Variants in KCNQ1 observed in about 807,000 individuals in gnomAD.
KCNQ1 encodes the protein potassium voltage-gated channel subfamily KQT member 1.
Under a neutral mutation model 72.4 loss-of-function variants are expected in KCNQ1, and 49 were observed. The ratio of observed to expected loss-of-function variants is 0.68; its 90% confidence interval spans 0.54 to 0.86. The LOEUF (loss-of-function observed/expected upper bound fraction) is 0.86, where lower values mean the gene tolerates loss of function less well. KCNQ1 is among the 40% of genes least tolerant of loss of function. The pLI is 0.00. For missense variants in KCNQ1, 790 were observed against 945.1 expected, an observed-to-expected ratio of 0.84 and a Z score of 2.15; for synonymous variants, 450 against 412.6, an observed-to-expected ratio of 1.09 and a Z score of -1.10.
chr11:2,806,177 G>A (rs1395857628), intron 15 of KCNQ1, among the ~76,000 whole-genome samples: 2 of 152,126 alleles, frequency 1.3e-5, no homozygotes, highest in African/African-American at 4.8e-5. Context: ...TCTGGAGGGT[G>A]GACTTAGAGA....
At position 2,456,968 on chromosome 11, in the gene KCNQ1, C is replaced by A. The variant is rs866438993; in HGVS notation, c.386+11484C>A. Among the ~76,000 whole-genome samples the A allele has an allele frequency of 1.9e-3, 220 of 113,662 alleles. 4 individuals are homozygous for A. The highest frequency in any genetic ancestry group is 5.2e-3 in the Middle Eastern group (1 of 192). 74.6% of individuals were successfully genotyped at this position (113,662 alleles called of 152,430 possible). A position where few individuals can be genotyped will look rare whatever the true frequency, so the allele number is the denominator to read the frequency against. ...AAAAAAAAAAAAAAAAAAAAAAACCCAAAAAAACAAAAAGTGGGCAAAAGA... is the reference window on the plus strand; with the variant it reads ...AAAAAAAAAAAAAAAAAAAAAAACCAAAAAAAACAAAAAGTGGGCAAAAGA... On this transcript the variant is annotated intron_variant, in intron 1 of 15. Coordinates refer to ENST00000155840, the MANE Select transcript of KCNQ1 (RefSeq NM_000218.3).
At chr11:2,610,453 T>G (rs904781964) in intron 10 of KCNQ1, 2 of 398,268 alleles carry the variant, frequency 5.0e-6, no homozygotes, top group Non-Finnish European at 8.9e-6. Flanking sequence ...TGATCCACTT[T>G]TTTGGTTTTT....
Position 2,564,933 on chromosome 11 carries a change from C to T in KCNQ1, c.478-5695C>T, listed in dbSNP as rs1848224507. On this transcript the variant is annotated intron_variant, in intron 2 of 15. Transcript: ENST00000155840. The surrounding 1 kb of genome is among the most constrained non-coding windows in gnomAD (Gnocchi z 4.5). ...GTGAGAATCCCCTTCCTTTTTAAGG[C>T]CAAATCCTATTCCGTGGTAGGGAGG... 6.6e-6 allele frequency among the ~76,000 whole-genome samples: 1 copy of T among 152,198 alleles called. No homozygotes were observed. The highest frequency in any genetic ancestry group is 2.4e-5 in the African/African-American group (1 of 41,442).
At chr11:2,686,199 C>G in intron 11 of KCNQ1, 2 of 398,820 alleles carry the variant, frequency 5.0e-6, no homozygotes, top group Non-Finnish European at 8.8e-6. Flanking sequence ...CTGCCCAAAA[C>G]CCTGCTCCAA....
At position 2,784,690 on chromosome 11, in the gene KCNQ1, T is replaced by C. The variant is rs543554449; in HGVS notation, c.1794+6653T>C. Reference sequence around the variant, plus strand: ...GGTATATCCCTCCATTTATTTGATCTACTTTAATTTCTTTCAGTGATATTT... The same window carrying C: ...GGTATATCCCTCCATTTATTTGATCCACTTTAATTTCTTTCAGTGATATTT... On this transcript the variant is annotated intron_variant, in intron 15 of 15. Coordinates refer to ENST00000155840, the MANE Select transcript of KCNQ1 (RefSeq NM_000218.3). This position sits in a 1 kb window ranked among gnomAD's most constrained non-coding sequence, Gnocchi z 4.7. 1.3e-5 allele frequency among the ~76,000 whole-genome samples: 2 copies of C among 152,112 alleles called. No homozygotes were observed. The highest frequency in any genetic ancestry group is 4.1e-4 in the South Asian group (2 of 4,828).
rs773139231 is a variant in KCNQ1 at position 2,626,768 on chromosome 11, T to G, written c.1394-35193T>G. On this transcript the variant is annotated intron_variant, in intron 10 of 15. Coordinates refer to ENST00000155840, the MANE Select transcript of KCNQ1 (RefSeq NM_000218.3). The surrounding 1 kb of genome is among the most constrained non-coding windows in gnomAD (Gnocchi z 4.0). ...GGTCTCAAACTCCTGGACTCAGAAG[T>G]CCTCCCACCTCAGCCTTCAAAAGTG... is the stretch of plus-strand genomic sequence containing the variant. 5 of 398,400 alleles carry G rather than the reference T, an allele frequency of 1.3e-5. No individual in the cohort carries two copies. The highest frequency in any genetic ancestry group is 2.2e-5 in the Non-Finnish European group (5 of 226,060). The allele number at this position is 398,400 out of a possible 1,614,324, so 24.7% of individuals were successfully genotyped here. A position where few individuals can be genotyped will look rare whatever the true frequency, so the allele number is the denominator to read the frequency against.
rs1846691423 is a variant in KCNQ1 at position 2,483,804 on chromosome 11, G to A, written c.386+38320G>A. 6.6e-6 allele frequency among the ~76,000 whole-genome samples: 1 copy of A among 152,140 alleles called. No individual in the cohort carries two copies. Among genetic ancestry groups the A allele is most frequent in the African/African-American group, 2.4e-5 (1 of 41,410 alleles). ...TGACCTTGACCACTCAGGTAGGAGT[G>A]TGTCAGCTGGGCTTCTCAGCTGTAA... On this transcript the variant is annotated intron_variant, in intron 1 of 15. Transcript: ENST00000155840. The surrounding 1 kb of genome is among the most constrained non-coding windows in gnomAD (Gnocchi z 6.1).
chr11:2,634,140 T>TTC (rs1849411462), intron 10 of KCNQ1: 1 of 397,916 alleles, frequency 2.5e-6, no homozygotes, highest in Non-Finnish European at 4.4e-6. Context: ...TTGGTATTTT[T>TTC]TTTTTTTTAG....
chr11:2,662,065 A>C lies in KCNQ1; in HGVS notation c.1498A>C (p.Ile500Leu), dbSNP rs189794855. 1.2e-6 allele frequency: 2 copies of C among 1,614,204 alleles called. No homozygotes were observed. The highest frequency in any genetic ancestry group is 4.5e-5 in the East Asian group (2 of 44,872). The change falls in exon 11 of 16, where the codon ATC becomes CTC. Residue 500 changes from isoleucine to leucine, a missense_variant. By Grantham distance (5) the Ile-to-Leu change is conservative. This residue lies in a region of KCNQ1 where 178 missense variants were observed against 177.9 expected (regional missense o/e 1.00). Transcript: ENST00000155840. The part of the protein sequence containing the change: ...DLEGETLLTP[I>L]THISQLREHH... Reference sequence around the variant, plus strand: ...GGAAGGGGAGACTCTGCTGACACCCATCACCCACATCTCACAGTGAGTGCC... The same window carrying C: ...GGAAGGGGAGACTCTGCTGACACCCCTCACCCACATCTCACAGTGAGTGCC...
intron 10 of KCNQ1, chr11:2,655,513 A>G (rs1849830004): frequency 5.0e-6 from 2 of 398,670 alleles, no homozygotes; most frequent in South Asian, 1.3e-4. Flanking sequence ...TGCCCTTTCA[A>G]GTACACCATG....
In KCNQ1 at chr11:2,490,878, TTTG is replaced by T. The variant is rs745323183; in HGVS notation, c.387-37047_387-37045del. ...TAATTTTTGTTTGTTTGTTTGTTTG[TTTG>T]TTTTAGTAGAGACAGGGTTTCTCCA... is the stretch of plus-strand genomic sequence containing the variant. On this transcript the variant is annotated intron_variant, in intron 1 of 15. Transcript: ENST00000155840. 3.9e-4 allele frequency among the ~76,000 whole-genome samples: 59 copies of T among 152,162 alleles called. No homozygotes were observed. The East Asian group carries it at 5.8e-3, about 15-fold the overall frequency.
rs1850480125 is a variant in KCNQ1, at chr11:2,685,882, T to A, written c.1514+23801T>A. ...CCCAGGACTCAGACCACAACTAGAC[T>A]AGGGAAGAACTTGTTCTCCACGGAT... On this transcript the variant is annotated intron_variant, in intron 11 of 15. Coordinates refer to ENST00000155840, the MANE Select transcript of KCNQ1 (RefSeq NM_000218.3). 1.5e-5 allele frequency: 6 copies of A among 398,558 alleles called. No individual in the cohort carries two copies. The South Asian group carries it at 7.6e-4, about 51-fold the overall frequency. The allele number at this position is 398,558 out of a possible 1,614,324, so 24.7% of individuals were successfully genotyped here. A position where few individuals can be genotyped will look rare whatever the true frequency, so the allele number is the denominator to read the frequency against.
chr11:2,791,905 G>A (rs1847033501), intron 15 of KCNQ1, among the ~76,000 whole-genome samples: 1 of 152,358 alleles, frequency 6.6e-6, no homozygotes, highest in South Asian at 2.1e-4. Context: ...GCGCACGGCC[G>A]TCCCTGCACG....
rs1166067238 is a variant in KCNQ1, at chr11:2,784,518, A to G, written c.1794+6481A>G. ...ATTGTTTCTGTCTATTCTAAGTCCT[A>G]TGAATTTCCATATAAATTTTAGGTT... On this transcript the variant is annotated intron_variant, in intron 15 of 15. Coordinates refer to ENST00000155840, the MANE Select transcript of KCNQ1 (RefSeq NM_000218.3). The surrounding 1 kb of genome is among the most constrained non-coding windows in gnomAD (Gnocchi z 4.7). 6.6e-6 allele frequency among the ~76,000 whole-genome samples: 1 copy of G among 151,934 alleles called. No homozygotes were observed. The highest frequency in any genetic ancestry group is 1.5e-5 in the Non-Finnish European group (1 of 67,816).
chr11:2,575,366 G>A (rs1848407409), intron 6 of KCNQ1, among the ~76,000 whole-genome samples: 1 of 152,110 alleles, frequency 6.6e-6, no homozygotes, highest in South Asian at 2.1e-4. Flanking sequence ...GGTCGCCCTG[G>A]GCCCCCCACC....
Position 2,661,921 on chromosome 11 carries a change from G to T in KCNQ1, c.1394-40G>T. On this transcript the variant is annotated intron_variant, in intron 10 of 15. Transcript: ENST00000155840. This position sits in a 1 kb window ranked among gnomAD's most constrained non-coding sequence, Gnocchi z 5.9. Reference sequence around the variant, plus strand: ...TGGCTCCACAGCACTGGCAGGTTGGGTGGGAGGCCTAACGTGCTGTCCCCA... The same window carrying T: ...TGGCTCCACAGCACTGGCAGGTTGGTTGGGAGGCCTAACGTGCTGTCCCCA... The T allele has an allele frequency of 1.2e-6, 2 of 1,613,840 alleles. No homozygotes were observed. Among genetic ancestry groups the T allele is most frequent in the Non-Finnish European group, 1.7e-6 (2 of 1,179,952 alleles).
At chr11:2,681,055 C>T in intron 11 of KCNQ1, 1 of 398,384 alleles carries the variant, frequency 2.5e-6, no homozygotes, top group Non-Finnish European at 4.4e-6. Context: ...AATGTGGGCT[C>T]CAAAAAGAGA....
In KCNQ1 at chr11:2,536,810, A is replaced by G. The variant is rs114261429; in HGVS notation, c.477+8792A>G. 1.5e-3 allele frequency among the ~76,000 whole-genome samples: 230 copies of G among 152,002 alleles called. 5 individuals carry two copies. Among genetic ancestry groups the G allele is most frequent in the African/African-American group, 5.4e-3 (223 of 41,322 alleles). The stretch of plus-strand genomic sequence containing the variant: ...TAAACCGTGGAGGTCGCCCTCTCAC[A>G]GCTCTGGACGATGGAGGGCCGAGAC... On this transcript the variant is annotated intron_variant, in intron 2 of 15. Coordinates refer to ENST00000155840, the MANE Select transcript of KCNQ1 (RefSeq NM_000218.3). This position sits in a 1 kb window ranked among gnomAD's most constrained non-coding sequence, Gnocchi z 7.4.
intron 11 of KCNQ1, among the ~76,000 whole-genome samples, chr11:2,755,149 C>T (rs1418695463): frequency 6.6e-6 from 1 of 151,932 alleles, no homozygotes; most frequent in African/African-American, 2.4e-5. Context: ...CTTCCTCTAT[C>T]TTCAGAGCCA....
Sources: allele counts gnomAD v4.1 joint callset (sites outside exome capture counted in the v4.1 genomes callset), GRCh38; gene constraint gnomAD v4.1.1; regional missense constraint gnomAD v4.1.1; non-coding constraint Gnocchi (gnomAD v3.1); transcripts MANE v1.5; gene names NCBI Gene and HGNC (gene_info 2026-07-23, HGNC 2026-07-21).